The following RPS6KA6 variants were observed in gnomAD, a reference collection of about 807,000 sequenced individuals.
RPS6KA6 encodes ribosomal protein S6 kinase alpha-6.
A neutral mutation model predicts 65.4 loss-of-function variants in RPS6KA6; 27 were observed. The ratio of observed to expected loss-of-function variants is 0.41; its 90% CI spans 0.30 to 0.57. The LOEUF (loss-of-function observed/expected upper bound fraction) is 0.57. Ranked by LOEUF, RPS6KA6 falls within the 20% of genes least tolerant of loss-of-function variation. The pLI is 0.24. For missense variants in RPS6KA6, 486 were observed against 555.6 expected, an observed-to-expected ratio of 0.87 and a Z score of 1.26; for synonymous variants, 190 against 184.2, an observed-to-expected ratio of 1.03 and a Z score of -0.26.
At chrX:84,169,428 TAA>T (rs5902844) in intron 1 of RPS6KA6, among the ~76,000 whole-genome samples, 90 of 102,097 alleles carry the variant, frequency 8.8e-4, no homozygotes, top group African/African-American at 2.8e-3. Context: ...ACTGAGAAAT[TAA>T]AAAAAAAAAA....
Position 84,117,001 on chromosome X carries a change from T to G in RPS6KA6, c.949+59A>C, listed in dbSNP as rs752208250. The stretch of plus-strand genomic sequence containing the variant: ...AAATCAAACAAGAAAACATAAAGAT[T>G]TAATTATCCTCCCAAAACATGCAGT... On this transcript the variant is annotated intron_variant, in intron 11 of 21. Coordinates refer to ENST00000262752, the MANE Select transcript of RPS6KA6 (RefSeq NM_014496.5). The G allele has an allele frequency of 9.9e-5, 74 of 748,138 alleles. No individual in the cohort carries two copies. The South Asian group carries it at 2.0e-3, about 20-fold the overall frequency. The allele number at this position is 748,138 out of a possible 1,213,427, so 61.7% of individuals were successfully genotyped here.
intron 8 of RPS6KA6, among the ~76,000 whole-genome samples, chrX:84,123,589 A>T (rs1489161105): frequency 8.0e-5 from 9 of 112,346 alleles, no homozygotes; most frequent in Admixed American, 5.6e-4. Context: ...GGCTATAGGG[A>T]GAGGCCCTTC....
chrX:84,129,015 G>A (rs2147498829), intron 8 of RPS6KA6, among the ~76,000 whole-genome samples: 1 of 111,190 alleles, frequency 9.0e-6, no homozygotes, highest in African/African-American at 3.3e-5. Flanking sequence ...AAGTTAAAAA[G>A]CTTCTGCACG....
At position 84,150,429 on chromosome X, in the gene RPS6KA6, A is replaced by G. The variant is rs1017337300; in HGVS notation, c.259-2306T>C. Among the ~76,000 whole-genome samples the G allele has an allele frequency of 3.6e-5, 4 of 111,538 alleles. 1 individual carries two copies. The highest frequency in any genetic ancestry group is 7.6e-4 in the South Asian group (2 of 2,643). ...TGACATGCCTTCCTCACCAAGCTTA[A>G]TAATTTGTAGCTTTTGATTTAAAGT... On this transcript the variant is annotated intron_variant, in intron 3 of 21. Transcript: ENST00000262752.
At chrX:84,187,707 G>T in intron 1 of RPS6KA6, 112 bp downstream of exon 1, 2 of 715,196 alleles carry the variant, frequency 2.8e-6, no homozygotes, top group Non-Finnish European at 4.1e-6. Flanking sequence ...AAGGGGGCTT[G>T]CCCGGGAGCC....
At chrX:84,178,042 C>T (rs758122055) in intron 1 of RPS6KA6, among the ~76,000 whole-genome samples, 7 of 111,680 alleles carry the variant, frequency 6.3e-5, no homozygotes, top group African/African-American at 2.3e-4. Context: ...ATTCCTCGCA[C>T]GCTGCCTCCC....
At chrX:84,084,784 A>G (rs774227275) in intron 20 of RPS6KA6, among the ~76,000 whole-genome samples, 16 of 112,172 alleles carry the variant, frequency 1.4e-4, no homozygotes, top group Non-Finnish European at 2.6e-4. Flanking sequence ...CCTTTAATCT[A>G]TAAATTGCTT....
At chrX:84,105,091 T>A (rs998166851) in intron 16 of RPS6KA6, among the ~76,000 whole-genome samples, 1 of 110,665 alleles carries the variant, frequency 9.0e-6, no homozygotes, top group Non-Finnish European at 1.9e-5. Flanking sequence ...GTATCTTAAA[T>A]ACTGGTTGAA....
chrX:84,187,975 C>CCCGCCG lies in RPS6KA6; in HGVS notation c.-82_-77dup, dbSNP rs751602149. ...CCGCGCATCCTGTCTATTGAACTGG[C>CCCGCCG]CCGCCGCCGCCGCCGCCGCCGCCGC... On this transcript the variant is annotated 5_prime_UTR_variant, in exon 1 of 22. Coordinates refer to ENST00000262752, the MANE Select transcript of RPS6KA6 (RefSeq NM_014496.5). The CCCGCCG allele has an allele frequency of 2.1e-3, 1,576 of 754,778 alleles. 10 individuals are homozygous for CCCGCCG. In the East Asian group the frequency reaches 0.024, roughly 12 times the overall value. The allele number at this position is 754,778 out of a possible 1,213,427, so 62.2% of individuals were successfully genotyped here. A position where few individuals can be genotyped will look rare whatever the true frequency, so the allele number is the denominator to read the frequency against.
intron 20 of RPS6KA6, among the ~76,000 whole-genome samples, chrX:84,067,449 G>T (rs1479424145): frequency 9.0e-6 from 1 of 111,725 alleles, no homozygotes; most frequent in African/African-American, 3.3e-5. Flanking sequence ...TGATGGAGCT[G>T]AAAAACAGCA....
In RPS6KA6 at chrX:84,065,097, A is replaced by G; in HGVS notation, c.1986T>C (p.His662=). 2 of 1,188,268 alleles carry G rather than the reference A, an allele frequency of 1.7e-6. No homozygotes were observed. Among genetic ancestry groups the G allele is most frequent in the Non-Finnish European group, 2.3e-6 (2 of 879,883 alleles). ...GCTGATGTGGGTCCATATGAAGCAT[A>G]TGGGAAAGCAAATCCTAAATTAAAA... ...ISDGAKDLLS[H]MLHMDPHQRY... is the part of the protein sequence containing the mutation. The change falls in exon 21 of 22, where the codon CAT becomes CAC. Residue 662 remains histidine, a synonymous_variant. Transcript: ENST00000262752.
intron 20 of RPS6KA6, among the ~76,000 whole-genome samples, chrX:84,095,947 T>C (rs2034149083): frequency 8.9e-6 from 1 of 112,136 alleles, no homozygotes; most frequent in Non-Finnish European, 1.9e-5. Context: ...TTTTTGGTTT[T>C]GGTTAATACA....
At position 84,116,213 on chromosome X, in the gene RPS6KA6, T is replaced by C. The variant is rs770655145; in HGVS notation, c.1008+16A>G. On this transcript the variant is annotated intron_variant, in intron 12 of 21. Coordinates refer to ENST00000262752, the MANE Select transcript of RPS6KA6 (RefSeq NM_014496.5). The stretch of plus-strand genomic sequence containing the variant: ...CATATGAAGTTATTCAATAACAAGC[T>C]TTCTACTTAACTTACATCCCAGTCA... 64 of 1,064,410 alleles carry C rather than the reference T, an allele frequency of 6.0e-5. No homozygotes were observed. Among genetic ancestry groups the C allele is most frequent in the Non-Finnish European group, 8.0e-5 (62 of 773,544 alleles). 87.7% of individuals were successfully genotyped at this position (1,064,410 alleles called of 1,213,427 possible).
chrX:84,120,979 A>C (rs1036439402), intron 8 of RPS6KA6, among the ~76,000 whole-genome samples: 12 of 112,417 alleles, frequency 1.1e-4, no homozygotes, highest in Non-Finnish European at 3.8e-5. Context: ...TCAATGGAAC[A>C]GAAGAGTGTA....
At position 84,182,503 on chromosome X, in the gene RPS6KA6, A is replaced by C. The variant is rs183306564; in HGVS notation, c.81+5316T>G. ...AGGGAAAAAAATCTTGCATTTCCTC[A>C]TCAAAATTCTAGATGAGAGAGACTA... is the stretch of plus-strand genomic sequence containing the variant. On this transcript the variant is annotated intron_variant, in intron 1 of 21. Transcript: ENST00000262752. Among the ~76,000 whole-genome samples the C allele has an allele frequency of 4.2e-4, 47 of 111,771 alleles. No homozygotes were observed. The East Asian group carries it at 5.9e-3, about 14-fold the overall frequency.
At chrX:84,155,527 T>C (rs2147582206) in intron 3 of RPS6KA6, among the ~76,000 whole-genome samples, 1 of 112,282 alleles carries the variant, frequency 8.9e-6, no homozygotes, top group African/African-American at 3.2e-5. Context: ...ATAGTTATTC[T>C]TACTCAATTT....
At chrX:84,120,301 C>T (rs2034643972) in intron 8 of RPS6KA6, among the ~76,000 whole-genome samples, 1 of 110,680 alleles carries the variant, frequency 9.0e-6, no homozygotes, top group African/African-American at 3.3e-5. Context: ...TGTGAGGGAA[C>T]AACAATTAAA....
At chrX:84,151,912 T>C (rs926483770) in intron 3 of RPS6KA6, among the ~76,000 whole-genome samples, 1 of 111,549 alleles carries the variant, frequency 9.0e-6, no homozygotes, top group African/African-American at 3.3e-5. Context: ...AGTTTTGACT[T>C]GAGGACTCCC....
At chrX:84,077,419 T>C (rs1176041141) in intron 20 of RPS6KA6, among the ~76,000 whole-genome samples, 2 of 111,370 alleles carry the variant, frequency 1.8e-5, no homozygotes, top group East Asian at 5.6e-4. Flanking sequence ...GACAGACAAG[T>C]AGATCAGTGA....
Sources: allele counts gnomAD v4.1 joint callset (sites outside exome capture counted in the v4.1 genomes callset), GRCh38; gene constraint gnomAD v4.1.1; transcripts MANE v1.5; gene names NCBI Gene and HGNC (gene_info 2026-07-23, HGNC 2026-07-21).